The following CLOCK variants were observed in gnomAD, a reference collection of about 807,000 sequenced individuals.
The protein encoded by CLOCK is clock circadian regulator.
In CLOCK, 43 loss-of-function variants were observed where a neutral mutation model predicts 118.4. The observed-to-expected ratio is 0.36, with a 90% CI of 0.28 to 0.47. The LOEUF (loss-of-function observed/expected upper bound fraction) is 0.47, where lower values mean the gene tolerates loss of function less well. Among genes scored for constraint, CLOCK ranks in the 20% least tolerant of loss-of-function variants. CLOCK has a pLI of 1.00. For synonymous variants in CLOCK, 326 were observed against 339.2 expected (o/e 0.96, Z 0.43); for missense variants, 846 against 999.9 (o/e 0.85, Z 2.08).
intron 1 of CLOCK, among the ~76,000 whole-genome samples, chr4:55,519,809 A>G (rs766805264): frequency 6.6e-6 from 1 of 152,012 alleles, no homozygotes; most frequent in Non-Finnish European, 1.5e-5. Flanking sequence ...AAAATAAATA[A>G]ACATCATTGA....
intron 14 of CLOCK, 97 bp from the exon 15 acceptor site, chr4:55,453,226 T>C (rs1394361481): frequency 3.0e-6 from 3 of 993,322 alleles, no homozygotes; most frequent in South Asian, 1.3e-5. Flanking sequence ...GTCTCATCTG[T>C]TCATCTAGAC....
chr4:55,522,623 G>A (rs904025850), intron 1 of CLOCK, among the ~76,000 whole-genome samples: 2 of 152,124 alleles, frequency 1.3e-5, no homozygotes, highest in Non-Finnish European at 1.5e-5. Context: ...TTAAGGAACA[G>A]TAAGATTAAC....
At chr4:55,454,439 AC>A (rs375273134) in intron 13 of CLOCK, among the ~76,000 whole-genome samples, 1 of 151,624 alleles carries the variant, frequency 6.6e-6, no homozygotes, top group African/African-American at 2.4e-5. Context: ...ACATAGTGAA[AC>A]CCCATCTCTA....
At chr4:55,546,607 G>A (rs1179340006) in intron 1 of CLOCK, 175 bp downstream of exon 1, 1 of 150,800 alleles carries the variant, frequency 6.6e-6, no homozygotes, top group Admixed American at 6.6e-5. Flanking sequence ...CAGCACCTGG[G>A]GCTGTGAGTG....
intron 3 of CLOCK, among the ~76,000 whole-genome samples, chr4:55,486,100 G>C (rs1031690792): frequency 6.6e-6 from 1 of 152,082 alleles, no homozygotes; most frequent in Admixed American, 6.6e-5. Context: ...ATTTTGGTTA[G>C]GTGGTTATAT....
intron 13 of CLOCK, among the ~76,000 whole-genome samples, chr4:55,454,724 T>C (rs1399127195): frequency 6.6e-6 from 1 of 151,940 alleles, no homozygotes; most frequent in Non-Finnish European, 1.5e-5. Context: ...CTAATGCATG[T>C]GCAGATTCTC....
intron 1 of CLOCK, among the ~76,000 whole-genome samples, chr4:55,537,567 C>T (rs990191816): frequency 2.0e-5 from 3 of 151,892 alleles, no homozygotes; most frequent in African/African-American, 4.8e-5. Context: ...GTGGTGACCC[C>T]GTGATTGGGC....
intron 3 of CLOCK, among the ~76,000 whole-genome samples, chr4:55,488,275 G>C (rs1196854129): frequency 6.6e-6 from 1 of 152,160 alleles, no homozygotes; most frequent in Non-Finnish European, 1.5e-5. Context: ...GCATGTGCCA[G>C]GGCTGAATCC....
chr4:55,533,481 T>C (rs13113518), intron 1 of CLOCK, among the ~76,000 whole-genome samples: 51,397 of 152,080 alleles, frequency 0.34, 9,382 homozygotes, highest in East Asian at 0.58. Context: ...AAGTTTTGAT[T>C]TCCGAATATT....
chr4:55,494,059 C>A (rs1577792861), intron 2 of CLOCK, among the ~76,000 whole-genome samples: 1 of 152,146 alleles, frequency 6.6e-6, no homozygotes, highest in Non-Finnish European at 1.5e-5. Flanking sequence ...ACTGATCTTG[C>A]CCACAGAGTA....
At chr4:55,481,168 A>G (rs1726907957) in intron 4 of CLOCK, among the ~76,000 whole-genome samples, 1 of 152,186 alleles carries the variant, frequency 6.6e-6, no homozygotes, top group Non-Finnish European at 1.5e-5. Context: ...ATGGCCTATA[A>G]AGGCCTATAT....
intron 3 of CLOCK, among the ~76,000 whole-genome samples, chr4:55,483,915 G>A (rs976311647): frequency 3.9e-5 from 6 of 152,136 alleles, no homozygotes; most frequent in African/African-American, 1.4e-4. Flanking sequence ...TATAGGTTGA[G>A]TATCCCTAAT....
intron 22 of CLOCK, among the ~76,000 whole-genome samples, chr4:55,435,878 C>G (rs995224194): frequency 3.3e-5 from 5 of 152,182 alleles, no homozygotes; most frequent in Non-Finnish European, 5.9e-5. Flanking sequence ...CACGTTCTTT[C>G]ACTTTATGTC....
At chr4:55,522,518 G>A (rs1729910478) in intron 1 of CLOCK, among the ~76,000 whole-genome samples, 1 of 150,398 alleles carries the variant, frequency 6.6e-6, no homozygotes, top group African/African-American at 2.4e-5. Context: ...AAAAAAAGAA[G>A]CATAAAGAAC....
At chr4:55,535,989 T>C (rs1191612416) in intron 1 of CLOCK, among the ~76,000 whole-genome samples, 3 of 152,094 alleles carry the variant, frequency 2.0e-5, no homozygotes, top group African/African-American at 7.2e-5. Context: ...CAGGACAGCT[T>C]TTGGTGTTCA....
chr4:55,506,746 A>AGATGGGGTTT (rs1728824046), intron 2 of CLOCK, among the ~76,000 whole-genome samples: 1 of 151,870 alleles, frequency 6.6e-6, no homozygotes, highest in African/African-American at 2.4e-5. Flanking sequence ...TTTTTAGTAG[A>AGATGGGGTTT]GATGGGGTTT....
chr4:55,435,637 A>G, intron 22 of CLOCK, 43 bp from the exon 23 acceptor site: 3 of 1,595,188 alleles, frequency 1.9e-6, no homozygotes, highest in Non-Finnish European at 2.6e-6. Context: ...TACTCCCTTT[A>G]TGGCACCCAC....
chr4:55,519,432 G>C (rs117746650), intron 1 of CLOCK, among the ~76,000 whole-genome samples: 1 of 152,250 alleles, frequency 6.6e-6, no homozygotes, highest in East Asian at 1.9e-4. Context: ...GATGTGCTAA[G>C]ACCCTGACTA....
chr4:55,459,346 T>G, intron 9 of CLOCK, 85 bp from the exon 10 acceptor site: 1 of 851,696 alleles, frequency 1.2e-6, no homozygotes, highest in Admixed American at 2.0e-5. Flanking sequence ...TCATAAAAGT[T>G]GTGTAAGTTT....
Sources: allele counts gnomAD v4.1 joint callset (sites outside exome capture counted in the v4.1 genomes callset), GRCh38; gene constraint gnomAD v4.1.1; transcripts MANE v1.5; gene names NCBI Gene and HGNC (gene_info 2026-07-23, HGNC 2026-07-21).